Variants in NUP210L observed in about 807,000 individuals in gnomAD.
NUP210L encodes nuclear pore membrane glycoprotein 210-like.
NUP210L carries 74 observed loss-of-function variants against 208.5 expected under a neutral mutation model. The ratio of observed to expected loss-of-function variants is 0.35; its 90% CI spans 0.29 to 0.43. The LOEUF (loss-of-function observed/expected upper bound fraction) is 0.43. Among genes scored for constraint, NUP210L ranks in the 20% least tolerant of loss-of-function variants. The pLI is 1.00. For synonymous variants in NUP210L, 780 were observed against 816.9 expected, an observed-to-expected ratio of 0.95 and a Z score of 0.77; for missense variants, 1,843 against 2,289.4, an observed-to-expected ratio of 0.81 and a Z score of 3.98.
intron 33 of NUP210L, among the ~76,000 whole-genome samples, chr1:154,018,587 A>C (rs2147922514): frequency 6.6e-6 from 1 of 152,266 alleles, no homozygotes; most frequent in Admixed American, 6.6e-5. Flanking sequence ...ATATACCTAG[A>C]ATCTGATCAA....
intron 16 of NUP210L, among the ~76,000 whole-genome samples, chr1:154,071,106 T>G (rs950813321): frequency 6.6e-6 from 1 of 150,476 alleles, no homozygotes; most frequent in Non-Finnish European, 1.5e-5. Context: ...TGTTTTTTGT[T>G]TTTTTTTTGA....
intron 16 of NUP210L, among the ~76,000 whole-genome samples, chr1:154,083,282 C>A (rs1272491715): frequency 1.3e-5 from 2 of 152,112 alleles, no homozygotes; most frequent in Non-Finnish European, 2.9e-5. Flanking sequence ...CATTTACAAA[C>A]CTTTAGCTAG....
At chr1:154,098,297 C>T (rs1386464907) in intron 14 of NUP210L, among the ~76,000 whole-genome samples, 1 of 152,190 alleles carries the variant, frequency 6.6e-6, no homozygotes, top group African/African-American at 2.4e-5. Context: ...GGTCTCGGCT[C>T]CCTGAAGAGT....
chr1:154,001,423 G>GT (rs2147887854), intron 36 of NUP210L, among the ~76,000 whole-genome samples: 1 of 152,190 alleles, frequency 6.6e-6, no homozygotes, highest in Admixed American at 6.5e-5. Flanking sequence ...GTCTTGATCT[G>GT]TTGACCTTGT....
intron 16 of NUP210L, among the ~76,000 whole-genome samples, chr1:154,078,267 T>C (rs1280463690): frequency 2.0e-5 from 3 of 150,796 alleles, no homozygotes; most frequent in Non-Finnish European, 3.0e-5. Flanking sequence ...CGGTGAACCA[T>C]GAATCAGCCA....
intron 16 of NUP210L, among the ~76,000 whole-genome samples, chr1:154,075,000 C>T (rs1344989342): frequency 6.6e-6 from 1 of 152,082 alleles, no homozygotes; most frequent in African/African-American, 2.4e-5. Context: ...GAGTAGGGGT[C>T]CCTTCAAGCC....
At chr1:154,096,408 G>A (rs1656183458) in intron 14 of NUP210L, among the ~76,000 whole-genome samples, 1 of 152,126 alleles carries the variant, frequency 6.6e-6, no homozygotes, top group East Asian at 1.9e-4. Flanking sequence ...GTCTCACAGG[G>A]GAGCTCACAA....
intron 14 of NUP210L, among the ~76,000 whole-genome samples, chr1:154,098,451 C>A (rs1199713807): frequency 6.6e-6 from 1 of 152,180 alleles, no homozygotes; most frequent in Non-Finnish European, 1.5e-5. Context: ...ATATGCAGAA[C>A]AAGTGGAGGG....
In NUP210L at chr1:153,996,025, G is replaced by A. The variant is rs951076552; in HGVS notation, c.5387-845C>T. On this transcript the variant is annotated intron_variant, in intron 37 of 39. Coordinates refer to ENST00000368559, the Ensembl canonical transcript of NUP210L. ...AAAAAAAATGCGGCCTGGCGTGGTG[G>A]CTCACACCTGTAATCCCAGCATTTT... 1.0e-4 allele frequency: 37 copies of A among 369,198 alleles called. No individual in the cohort carries two copies. In the East Asian group the frequency reaches 1.7e-3, roughly 17 times the overall value. The allele number at this position is 369,198 out of a possible 1,614,324, so 22.9% of individuals were successfully genotyped here. A position where few individuals can be genotyped will look rare whatever the true frequency, so the allele number is the denominator to read the frequency against.
exon 7 of NUP210L, chr1:154,135,961 G>T: frequency 6.2e-7 from 1 of 1,602,260 alleles, no homozygotes; most frequent in Non-Finnish European, 8.6e-7. Flanking sequence ...TGTTCCAGGG[G>T]AAATTTCACC....
chr1:154,076,102 C>A, intron 16 of NUP210L, among the ~76,000 whole-genome samples: 1 of 117,922 alleles, frequency 8.5e-6, no homozygotes, highest in East Asian at 2.6e-4. Flanking sequence ...ACAAAGACTT[C>A]TTTTTTTTTT....
chr1:154,022,897 G>A (rs1254648857), intron 31 of NUP210L, among the ~76,000 whole-genome samples: 1 of 150,980 alleles, frequency 6.6e-6, no homozygotes, highest in Non-Finnish European at 1.5e-5. Flanking sequence ...GGCTGGTCTC[G>A]AACTCCTGGG....
rs576984260 is a variant in NUP210L at position 154,134,927 on chromosome 1, G to A, written c.1009+887C>T. ...TAATTTTTGTATTTTTAGTAGAGAC[G>A]GGGTTTCTTCATGTTGGTCAAGCTG... On this transcript the variant is annotated intron_variant, in intron 7 of 39. Transcript: ENST00000368559. 6.6e-5 allele frequency among the ~76,000 whole-genome samples: 10 copies of A among 151,024 alleles called. No individual in the cohort carries two copies. The East Asian group carries it at 1.4e-3, about 21-fold the overall frequency.
intron 22 of NUP210L, among the ~76,000 whole-genome samples, 166 bp downstream of exon 22, chr1:154,057,923 G>GT (rs1653955990): frequency 6.6e-6 from 1 of 152,128 alleles, no homozygotes; most frequent in Non-Finnish European, 1.5e-5. Context: ...TGGATATTTT[G>GT]TAGAGAGCTG....
chr1:154,018,830 T>C, intron 33 of NUP210L, 103 bp downstream of exon 33: 1 of 1,337,462 alleles, frequency 7.5e-7, no homozygotes, highest in Non-Finnish European at 1.0e-6. Flanking sequence ...TATATCTGTT[T>C]TATGAGTGTA....
At chr1:154,073,042 C>T (rs1057276381) in intron 16 of NUP210L, among the ~76,000 whole-genome samples, 5 of 152,102 alleles carry the variant, frequency 3.3e-5, no homozygotes, top group African/African-American at 7.2e-5. Context: ...AACTAATATC[C>T]GGAATCTACA....
intron 6 of NUP210L, among the ~76,000 whole-genome samples, chr1:154,136,977 C>T (rs1658582618): frequency 6.8e-6 from 1 of 147,412 alleles, no homozygotes. Flanking sequence ...GAATATTAAG[C>T]TTTCAGTCGA....
At chr1:154,111,064 A>AAGAG in intron 12 of NUP210L, among the ~76,000 whole-genome samples, 1 of 150,734 alleles carries the variant, frequency 6.6e-6, no homozygotes, top group African/African-American at 2.5e-5. Context: ...AAAAAAAAAA[A>AAGAG]AGAGAGAGAG....
chr1:154,037,979 A>G (rs1652655436), intron 27 of NUP210L, among the ~76,000 whole-genome samples: 1 of 151,956 alleles, frequency 6.6e-6, no homozygotes. Context: ...TTATTGATAA[A>G]TAAGAACTTT....
Sources: gnomAD v4.1 joint callset for allele counts (sites outside exome capture counted in the v4.1 genomes callset) on GRCh38, gnomAD v4.1.1 for gene constraint, MANE v1.5 for transcripts, NCBI Gene and HGNC (gene_info 2026-07-23, HGNC 2026-07-21) for gene names.